PCDHA6: variants seen among roughly 807,000 people sequenced by gnomAD.
The protein encoded by PCDHA6 is protocadherin alpha 6.
PCDHA6 carries 55 observed loss-of-function variants against 60.3 expected under a neutral mutation model. The observed-to-expected ratio is 0.91, with a 90% CI of 0.73 to 1.14. PCDHA6 has a LOEUF of 1.14. PCDHA6 is among the 50% of genes most tolerant of loss of function. The pLI is 0.00. For synonymous variants in PCDHA6, 652 were observed against 557.9 expected, an observed-to-expected ratio of 1.17 and a Z score of -2.38; for missense variants, 1,327 against 1,256.5, an observed-to-expected ratio of 1.06 and a Z score of -0.85.
At chr5:140,931,717 C>G (rs2087694120) in intron 1 of PCDHA6, among the ~76,000 whole-genome samples, 1 of 151,872 alleles carries the variant, frequency 6.6e-6, no homozygotes, top group Admixed American at 6.6e-5. Flanking sequence ...AAAATAACTT[C>G]TATAAATATG....
chr5:140,910,869 C>T (rs2153516135), intron 1 of PCDHA6, among the ~76,000 whole-genome samples: 1 of 152,264 alleles, frequency 6.6e-6, no homozygotes, highest in Non-Finnish European at 1.5e-5. Context: ...CCACCATTAT[C>T]CCACACCCTT....
At chr5:140,901,329 T>A (rs180738358) in intron 1 of PCDHA6, among the ~76,000 whole-genome samples, 102 of 152,302 alleles carry the variant, frequency 6.7e-4, no homozygotes, top group Admixed American at 1.2e-3. Context: ...TTTCTTGTAG[T>A]CGTTTTATAG....
At chr5:140,873,973 T>C (rs1255024393) in intron 1 of PCDHA6, among the ~76,000 whole-genome samples, 2 of 152,224 alleles carry the variant, frequency 1.3e-5, no homozygotes. Flanking sequence ...TTTTTTAAAA[T>C]TAAAGTTCCT....
intron 1 of PCDHA6, chr5:140,930,281 A>G (rs1554207692): frequency 6.6e-6 from 1 of 152,242 alleles, no homozygotes; most frequent in Non-Finnish European, 1.5e-5. Flanking sequence ...TAGGGGACAA[A>G]TACACTTAAC....
rs556069691 is a variant in PCDHA6 at position 140,951,526 on chromosome 5, G to A, written c.2395-27423G>A. Among the ~76,000 whole-genome samples the A allele has an allele frequency of 7.4e-4, 112 of 152,076 alleles. 1 individual carries two copies. The highest frequency in any genetic ancestry group is 2.6e-3 in the African/African-American group (107 of 41,516). ...GGAAAGCGGCTCATCTTACATGGCC[G>A]GTGCAGGAGCAAGGGACGGGGGGAA... is the stretch of plus-strand genomic sequence containing the variant. On this transcript the variant is annotated intron_variant, in intron 1 of 3. Transcript: ENST00000529310.
chr5:140,913,125 C>G (rs1164527264), intron 1 of PCDHA6, among the ~76,000 whole-genome samples: 1 of 152,132 alleles, frequency 6.6e-6, no homozygotes, highest in Non-Finnish European at 1.5e-5. Context: ...AAGTTAACCC[C>G]TCCTCTACTT....
intron 1 of PCDHA6, chr5:140,968,394 G>T: frequency 6.2e-7 from 1 of 1,613,940 alleles, no homozygotes; most frequent in Non-Finnish European, 8.5e-7. Context: ...GAGAAGTTTC[G>T]GGAGTTCTTT....
At chr5:140,850,761 C>A in intron 1 of PCDHA6, 1 of 1,598,004 alleles carries the variant, frequency 6.3e-7, no homozygotes, top group East Asian at 2.2e-5. Flanking sequence ...GCAGAGGAGG[C>A]AGAGGGTGTG....
At position 140,966,247 on chromosome 5, in the gene PCDHA6, A is replaced by G. The variant is rs145363912; in HGVS notation, c.2395-12702A>G. 739 of 318,152 alleles carry G rather than the reference A, an allele frequency of 2.3e-3. 16 individuals are homozygous for G. In the Admixed American group the frequency reaches 0.033, roughly 14 times the overall value. 19.7% of individuals were successfully genotyped at this position (318,152 alleles called of 1,614,324 possible). On this transcript the variant is annotated intron_variant, in intron 1 of 3. Coordinates refer to ENST00000529310, the MANE Select transcript of PCDHA6 (RefSeq NM_018909.4). ...TCCTTAAAGACCCGTTAAGCAGGGGAGAGACGGTGGAGACTGGATGAACTG... is the reference window on the plus strand; with the variant it reads ...TCCTTAAAGACCCGTTAAGCAGGGGGGAGACGGTGGAGACTGGATGAACTG...
At chr5:140,989,865 C>T (rs1209207256) in intron 3 of PCDHA6, among the ~76,000 whole-genome samples, 1 of 152,034 alleles carries the variant, frequency 6.6e-6, no homozygotes, top group Non-Finnish European at 1.5e-5. Flanking sequence ...AGGAATCTTT[C>T]TCTGCCTCAG....
chr5:140,882,605 C>T (rs1554174797), intron 1 of PCDHA6: 2 of 1,614,120 alleles, frequency 1.2e-6, no homozygotes, highest in Non-Finnish European at 1.7e-6. Context: ...CGTGGACAGG[C>T]CTCTGCAGGT....
At chr5:140,917,397 C>T (rs1606123) in intron 1 of PCDHA6, among the ~76,000 whole-genome samples, 6,084 of 150,666 alleles carry the variant, frequency 0.04, 137 homozygotes, top group Non-Finnish European at 0.052. Context: ...TGTGCAGAAG[C>T]TCTTTAGTTT....
intron 1 of PCDHA6, chr5:140,870,602 A>G: frequency 6.2e-7 from 1 of 1,613,246 alleles, no homozygotes; most frequent in Non-Finnish European, 8.5e-7. Flanking sequence ...CGGTTGGGCG[A>G]CCGCGCGCTG....
intron 1 of PCDHA6, among the ~76,000 whole-genome samples, chr5:140,971,436 C>G (rs2153789972): frequency 6.6e-6 from 1 of 152,278 alleles, no homozygotes; most frequent in Non-Finnish European, 1.5e-5. Flanking sequence ...ACCCCAAGAT[C>G]TACAGCTCCA....
chr5:140,966,541 G>C (rs2096018356), intron 1 of PCDHA6: 3 of 462,844 alleles, frequency 6.5e-6, no homozygotes, highest in African/African-American at 2.0e-5. Context: ...TGAGCGACTC[G>C]GAGGCGAGCG....
intron 1 of PCDHA6, among the ~76,000 whole-genome samples, chr5:140,906,668 C>G (rs1554192641): frequency 1.3e-5 from 2 of 152,152 alleles, no homozygotes; most frequent in African/African-American, 4.8e-5. Flanking sequence ...TGTAGTGACC[C>G]AAACCTTCAT....
chr5:140,978,894 C>G, intron 1 of PCDHA6, 55 bp from the exon 2 acceptor site: 1 of 1,612,598 alleles, frequency 6.2e-7, no homozygotes, highest in South Asian at 1.1e-5. Flanking sequence ...AGCAGCATTC[C>G]TGGGAGAACA....
chr5:140,967,700 G>A lies in PCDHA6; in HGVS notation c.2395-11249G>A. ...GGAGAGGCAGCTCTTCAGCATAGAT[G>A]CCAGTACCGGGGAAGTGCGAGTAAT... On this transcript the variant is annotated intron_variant, in intron 1 of 3. Transcript: ENST00000529310. 4 of 1,614,196 alleles carry A rather than the reference G, an allele frequency of 2.5e-6. No homozygotes were observed. In the South Asian group the frequency reaches 4.4e-5, roughly 18 times the overall value.
rs375771604 is a variant in PCDHA6, at chr5:140,876,994, G to A, written c.2394+46509G>A. ...GGGCGAGCACGCACTGTCGAGCTAC[G>A]TGTCGGTGCACGCGGAGAGCGGCAA... On this transcript the variant is annotated intron_variant, in intron 1 of 3. Transcript: ENST00000529310. The A allele has an allele frequency of 5.6e-6, 9 of 1,612,502 alleles. No individual in the cohort carries two copies. The highest frequency in any genetic ancestry group is 5.0e-5 in the Admixed American group (3 of 59,998).
Sources: allele counts gnomAD v4.1 joint callset (sites outside exome capture counted in the v4.1 genomes callset), GRCh38; gene constraint gnomAD v4.1.1; transcripts MANE v1.5; gene names NCBI Gene and HGNC (gene_info 2026-07-23, HGNC 2026-07-21).